SPATA16: variants seen among roughly 807,000 people sequenced by gnomAD.
The protein encoded by SPATA16 is spermatogenesis associated 16.
Under a neutral mutation model 63.3 loss-of-function variants are expected in SPATA16, and 36 were observed. The ratio of observed to expected loss-of-function variants is 0.57; its 90% CI spans 0.44 to 0.75. SPATA16 has a LOEUF of 0.75. Among genes scored for constraint, SPATA16 ranks in the 30% least tolerant of loss-of-function variants. The pLI, the probability that SPATA16 is intolerant of heterozygous loss-of-function variation, is 0.00. For synonymous variants in SPATA16, 203 were observed against 216.7 expected, an observed-to-expected ratio of 0.94 and a Z score of 0.56; for missense variants, 646 against 679.3, an observed-to-expected ratio of 0.95 and a Z score of 0.54.
intron 1 of SPATA16, among the ~76,000 whole-genome samples, chr3:173,125,697 G>T (rs934607519): frequency 6.6e-6 from 1 of 152,166 alleles, no homozygotes; most frequent in Admixed American, 6.5e-5. Context: ...CTACCAAGTT[G>T]TGTATGTATT....
intron 1 of SPATA16, among the ~76,000 whole-genome samples, chr3:173,128,993 TG>T: frequency 6.6e-6 from 1 of 152,240 alleles, no homozygotes. Context: ...CTGCATTAGC[TG>T]TTGATGCTAA....
At chr3:173,011,860 A>G (rs1375755317) in intron 4 of SPATA16, among the ~76,000 whole-genome samples, 1 of 152,148 alleles carries the variant, frequency 6.6e-6, no homozygotes, top group Admixed American at 6.5e-5. Flanking sequence ...GAACTCTAGG[A>G]TGGAGTGCAG....
intron 1 of SPATA16, among the ~76,000 whole-genome samples, chr3:173,127,386 C>T (rs566231268): frequency 6.6e-6 from 1 of 152,174 alleles, no homozygotes; most frequent in Admixed American, 6.5e-5. Flanking sequence ...ATACTATTGT[C>T]TAATCTACAG....
At chr3:172,996,197 A>G (rs1266709268) in intron 4 of SPATA16, among the ~76,000 whole-genome samples, 1 of 152,122 alleles carries the variant, frequency 6.6e-6, no homozygotes, top group Non-Finnish European at 1.5e-5. Flanking sequence ...TTCGTTGCAT[A>G]CTGTCAGTGG....
chr3:173,095,712 C>A (rs556099179), intron 2 of SPATA16, among the ~76,000 whole-genome samples: 1 of 152,152 alleles, frequency 6.6e-6, no homozygotes, highest in South Asian at 2.1e-4. Context: ...TATTTGAAAT[C>A]CATGGTTTAT....
chr3:172,971,981 A>G (rs1003619804), intron 5 of SPATA16, among the ~76,000 whole-genome samples: 1 of 152,168 alleles, frequency 6.6e-6, no homozygotes, highest in African/African-American at 2.4e-5. Context: ...CCCACAAACT[A>G]TGGGCCGTCT....
intron 10 of SPATA16, among the ~76,000 whole-genome samples, 180 bp downstream of exon 10, chr3:172,913,481 A>G (rs1376278435): frequency 6.6e-6 from 1 of 152,234 alleles, no homozygotes; most frequent in African/African-American, 2.4e-5. Flanking sequence ...AGCAGATTAA[A>G]TAAATCCATA....
chr3:173,104,841 A>G (rs929729460), intron 2 of SPATA16, among the ~76,000 whole-genome samples: 6 of 152,236 alleles, frequency 3.9e-5, no homozygotes, highest in Non-Finnish European at 8.8e-5. Context: ...CTCTTTCAAT[A>G]TAATAATGGC....
At chr3:172,936,309 C>T (rs1171717779) in intron 6 of SPATA16, among the ~76,000 whole-genome samples, 2 of 152,116 alleles carry the variant, frequency 1.3e-5, no homozygotes, top group African/African-American at 2.4e-5. Flanking sequence ...TCAATCATGC[C>T]TACATAATGA....
intron 2 of SPATA16, among the ~76,000 whole-genome samples, chr3:173,107,401 A>G (rs1191296964): frequency 6.6e-6 from 1 of 151,908 alleles, no homozygotes; most frequent in African/African-American, 2.4e-5. Flanking sequence ...ATTCATAACA[A>G]TTCCTACAAA....
At chr3:173,040,326 A>G (rs1735810519) in intron 3 of SPATA16, among the ~76,000 whole-genome samples, 1 of 152,146 alleles carries the variant, frequency 6.6e-6, no homozygotes, top group Admixed American at 6.6e-5. Flanking sequence ...TTTTATACAA[A>G]TAAGCCTATG....
rs563736559 is a variant in SPATA16 at position 173,091,294 on chromosome 3, G to A, written c.612+25826C>T. Among the ~76,000 whole-genome samples the A allele has an allele frequency of 1.1e-3, 170 of 151,784 alleles. 1 individual carries two copies. Among genetic ancestry groups the A allele is most frequent in the African/African-American group, 4.0e-3 (164 of 41,366 alleles). Reference sequence around the variant, plus strand: ...TAGACCTATTAGTAAATTCATAAATGTTTATACTTTTAATGTCAAATATAA... The same window carrying A: ...TAGACCTATTAGTAAATTCATAAATATTTATACTTTTAATGTCAAATATAA... On this transcript the variant is annotated intron_variant, in intron 2 of 10. Transcript: ENST00000351008.
intron 3 of SPATA16, among the ~76,000 whole-genome samples, chr3:173,027,928 C>G (rs1735489039): frequency 6.8e-6 from 1 of 147,050 alleles, no homozygotes; most frequent in South Asian, 2.2e-4. Flanking sequence ...GTACTTTAGA[C>G]TTTAGCTTTA....
At chr3:173,037,566 C>A (rs1735743021) in intron 3 of SPATA16, among the ~76,000 whole-genome samples, 1 of 152,012 alleles carries the variant, frequency 6.6e-6, no homozygotes, top group Non-Finnish European at 1.5e-5. Context: ...ACATTTCTAT[C>A]CAATTGTAAA....
intron 10 of SPATA16, among the ~76,000 whole-genome samples, chr3:172,897,412 C>T (rs1732029857): frequency 6.6e-6 from 1 of 152,060 alleles, no homozygotes; most frequent in African/African-American, 2.4e-5. Flanking sequence ...TATGTGAGGT[C>T]TTTCAGTCCA....
intron 10 of SPATA16, among the ~76,000 whole-genome samples, chr3:172,890,728 A>G (rs1167707481): frequency 6.6e-6 from 1 of 150,782 alleles, no homozygotes; most frequent in Non-Finnish European, 1.5e-5. Context: ...ATATCATACC[A>G]GTGACATAAA....
In SPATA16 at chr3:172,951,927, G is replaced by A. The variant is rs1241922158; in HGVS notation, c.1081+4750C>T. Among the ~76,000 whole-genome samples the A allele has an allele frequency of 3.9e-5, 6 of 152,226 alleles. No individual in the cohort carries two copies. In the South Asian group the frequency reaches 8.3e-4, roughly 21 times the overall value. On this transcript the variant is annotated intron_variant, in intron 6 of 10. Transcript: ENST00000351008. Reference sequence around the variant, plus strand: ...AAAATCTTCAAGGTACAGATTGTACGACCTTCATCTGTTGATTATTTATTT... The same window carrying A: ...AAAATCTTCAAGGTACAGATTGTACAACCTTCATCTGTTGATTATTTATTT...
chr3:172,920,535 T>C (rs1190555970), intron 8 of SPATA16, among the ~76,000 whole-genome samples: 1 of 152,226 alleles, frequency 6.6e-6, no homozygotes, highest in African/African-American at 2.4e-5. Flanking sequence ...TGCTATACTA[T>C]CTCTTTATAT....
intron 1 of SPATA16, among the ~76,000 whole-genome samples, chr3:173,127,560 A>T (rs1738259312): frequency 6.6e-6 from 1 of 152,192 alleles, no homozygotes; most frequent in Non-Finnish European, 1.5e-5. Context: ...AATTTTGAAG[A>T]GTACAAGCCA....
Sources: allele counts gnomAD v4.1 joint callset (sites outside exome capture counted in the v4.1 genomes callset), GRCh38; gene constraint gnomAD v4.1.1; transcripts MANE v1.5; gene names NCBI Gene and HGNC (gene_info 2026-07-23, HGNC 2026-07-21).